Variants in COX7A2L observed in about 807,000 individuals in gnomAD.
COX7A2L encodes the protein cytochrome c oxidase subunit 7A2 like.
In COX7A2L, 18 loss-of-function variants were observed where a neutral mutation model predicts 14.2. The ratio of observed to expected loss-of-function variants is 1.27; its 90% CI spans 0.88 to 1.88. COX7A2L has a LOEUF of 1.88. COX7A2L is among the 40% of genes most tolerant of loss of function. The pLI, the probability that COX7A2L is intolerant of heterozygous loss-of-function variation, is 0.00. For synonymous variants in COX7A2L, 65 were observed against 57.4 expected, an observed-to-expected ratio of 1.13 and a Z score of -0.60; for missense variants, 179 against 138.8, an observed-to-expected ratio of 1.29 and a Z score of -1.46.
chr2:42,361,281 G>GCCCGAAGATCGCCTAA (rs1332235979), upstream of COX7A2L: 3 of 894,118 alleles, frequency 3.4e-6, no homozygotes, highest in Non-Finnish European at 5.1e-6. Flanking sequence ...GACTAGGGCT[G>GCCCGAAGATCGCCTAA]CCCGAAGATC....
rs779148448 is a variant in COX7A2L at position 42,353,322 on chromosome 2, TGGA to T, written c.91_93del (p.Ser31del). 3 of 1,613,824 alleles carry T rather than the reference TGGA, an allele frequency of 1.9e-6. No individual in the cohort carries two copies. Among genetic ancestry groups the T allele is most frequent in the Non-Finnish European group, 2.5e-6 (3 of 1,179,960 alleles). ...GCAAATATGATAGGTGGTGCTTCTG[TGGA>T]AACCACAGGCTTTAATCCCTGTAGA... On this transcript the variant is annotated inframe_deletion, in exon 2 of 3. Coordinates refer to ENST00000234301, the MANE Select transcript of COX7A2L (RefSeq NM_004718.4).
chr2:42,352,893 G>A (rs1670691859), intron 2 of COX7A2L: 4 of 379,280 alleles, frequency 1.1e-5, no homozygotes. Flanking sequence ...TATATATTGG[G>A]TCATTCAGTT....
chr2:42,353,451 C>T, intron 1 of COX7A2L, 108 bp from the exon 2 acceptor site: 3 of 1,447,614 alleles, frequency 2.1e-6, no homozygotes, highest in Middle Eastern at 1.8e-4. Flanking sequence ...GTCTCTCCAA[C>T]TTTCCCAGAG....
intron 2 of COX7A2L, among the ~76,000 whole-genome samples, chr2:42,335,862 G>C (rs1173218805): frequency 6.6e-6 from 1 of 152,230 alleles, no homozygotes; most frequent in Non-Finnish European, 1.5e-5. Flanking sequence ...ATCGTGTCAA[G>C]AGGTGAAGGG....
intron 1 of COX7A2L, chr2:42,359,907 T>C (rs961350494): frequency 2.6e-5 from 4 of 152,224 alleles, no homozygotes; most frequent in East Asian, 3.9e-4. Context: ...TTTTTGTTTT[T>C]AGAGACAGGG....
At position 42,353,381 on chromosome 2, in the gene COX7A2L, T is replaced by C. The variant is rs758966929; in HGVS notation, c.73-38A>G. On this transcript the variant is annotated intron_variant, in intron 1 of 2. Coordinates refer to ENST00000234301, the MANE Select transcript of COX7A2L (RefSeq NM_004718.4). Reference sequence around the variant, plus strand: ...AAAGGAAAATGGCAAGTTGAAAGTATGTCTGAGGAGGCTGTCTGGAATAGT... The same window carrying C: ...AAAGGAAAATGGCAAGTTGAAAGTACGTCTGAGGAGGCTGTCTGGAATAGT... The C allele has an allele frequency of 6.2e-6, 10 of 1,610,122 alleles. No homozygotes were observed. The East Asian group carries it at 2.0e-4, about 32-fold the overall frequency.
At chr2:42,347,157 G>A (rs13394202), downstream of COX7A2L, among the ~76,000 whole-genome samples, 43 of 152,256 alleles carry the variant, frequency 2.8e-4, no homozygotes, top group Admixed American at 1.2e-3. Flanking sequence ...GAGCCATGGC[G>A]CCCGGCCTAG....
chr2:42,341,178 T>TC (rs956318306), intron 2 of COX7A2L, among the ~76,000 whole-genome samples: 2 of 152,124 alleles, frequency 1.3e-5, no homozygotes, highest in Non-Finnish European at 2.9e-5. Flanking sequence ...CCTCAACCCC[T>TC]CCTGCTGTGG....
chr2:42,348,215 A>C (rs1670535962), downstream of COX7A2L, among the ~76,000 whole-genome samples: 1 of 152,228 alleles, frequency 6.6e-6, no homozygotes, highest in Non-Finnish European at 1.5e-5. Context: ...ATGACAACAG[A>C]AAAAATCAGT....
upstream of COX7A2L, chr2:42,361,519 C>T (rs915743054): frequency 1.0e-5 from 2 of 190,838 alleles, no homozygotes; most frequent in Admixed American, 6.2e-5. Flanking sequence ...CTAAGCCCGG[C>T]AGTGTCGGAG....
At chr2:42,360,993 G>C (rs747043515) in intron 1 of COX7A2L, 97 bp downstream of exon 1, 19 of 1,307,820 alleles carry the variant, frequency 1.5e-5, no homozygotes, top group Non-Finnish European at 1.8e-5. Context: ...ACTCGACCGC[G>C]GGCAGAAGCC....
Position 42,351,037 on chromosome 2 carries a change from G to T in COX7A2L, c.*182C>A. ...TCTTTAAACAATGGCTTTAACTGTC[G>T]AATGAGCTCTGACAAGCCATATGCA... is the stretch of plus-strand genomic sequence containing the variant. On this transcript the variant is annotated 3_prime_UTR_variant, in exon 3 of 3. Coordinates refer to ENST00000234301, the MANE Select transcript of COX7A2L (RefSeq NM_004718.4). The T allele has an allele frequency of 3.4e-6, 2 of 595,896 alleles. No individual in the cohort carries two copies. The highest frequency in any genetic ancestry group is 5.6e-6 in the Non-Finnish European group (2 of 359,042). 36.9% of individuals were successfully genotyped at this position (595,896 alleles called of 1,614,324 possible).
rs568789080 is a variant in COX7A2L at position 42,357,230 on chromosome 2, A to G, written c.72+3860T>C. ...TCCCCATAATTTTAATTTTTAAATG[A>G]TAGAAATGTATGAACTTTTCCACTG... On this transcript the variant is annotated intron_variant, in intron 1 of 2. Transcript: ENST00000234301. 3.3e-5 allele frequency among the ~76,000 whole-genome samples: 5 copies of G among 152,354 alleles called. No homozygotes were observed. The East Asian group carries it at 9.6e-4, about 29-fold the overall frequency.
At chr2:42,353,122 T>C (rs1314235734) in intron 2 of COX7A2L, 90 bp downstream of exon 2, 3 of 1,464,112 alleles carry the variant, frequency 2.0e-6, no homozygotes, top group African/African-American at 2.9e-5. Context: ...GGAGGGTGGG[T>C]AGTAAACTAG....
chr2:42,355,717 CT>C (rs386390054), intron 1 of COX7A2L, among the ~76,000 whole-genome samples: 274 of 69,030 alleles, frequency 4.0e-3, no homozygotes, highest in Middle Eastern at 0.039. Context: ...ATCCTACGTT[CT>C]TTTTTTTTTT....
At chr2:42,341,600 G>T (rs903788389) in intron 2 of COX7A2L, among the ~76,000 whole-genome samples, 3 of 152,206 alleles carry the variant, frequency 2.0e-5, no homozygotes, top group African/African-American at 7.2e-5. Context: ...AGAGTGATGG[G>T]TGGGGGGACA....
chr2:42,364,892 T>C (rs1437897337), upstream of COX7A2L, among the ~76,000 whole-genome samples: 2 of 152,214 alleles, frequency 1.3e-5, no homozygotes, highest in Admixed American at 6.5e-5. Context: ...CTTCTCGTTG[T>C]TGAATGTCAA....
chr2:42,337,943 C>T (rs1670318185), intron 2 of COX7A2L, among the ~76,000 whole-genome samples: 1 of 152,228 alleles, frequency 6.6e-6, no homozygotes, highest in Non-Finnish European at 1.5e-5. Context: ...AGCGCCCGCT[C>T]TGCTACCATG....
downstream of COX7A2L, among the ~76,000 whole-genome samples, chr2:42,347,917 A>G (rs1670530505): frequency 6.6e-6 from 1 of 152,096 alleles, no homozygotes; most frequent in Non-Finnish European, 1.5e-5. Flanking sequence ...GCGAAACTCC[A>G]TCTCAAAAAA....
Sources: gnomAD v4.1 joint callset for allele counts (sites outside exome capture counted in the v4.1 genomes callset) on GRCh38, gnomAD v4.1.1 for gene constraint, MANE v1.5 for transcripts, NCBI Gene and HGNC (gene_info 2026-07-23, HGNC 2026-07-21) for gene names.